TCF12: variants seen among roughly 807,000 people sequenced by gnomAD.
TCF12 encodes the protein DNA-binding protein HTF4.
Under a neutral mutation model 86.0 loss-of-function variants are expected in TCF12, and 45 were observed. The observed-to-expected ratio is 0.52, with a 90% CI of 0.41 to 0.67. The LOEUF (loss-of-function observed/expected upper bound fraction) is 0.67, where lower values mean the gene tolerates loss of function less well. TCF12 is among the 30% of genes least tolerant of loss of function. TCF12 has a pLI of 0.00. For missense variants in TCF12, 881 were observed against 859.9 expected, an observed-to-expected ratio of 1.02 and a Z score of -0.31; for synonymous variants, 330 against 299.6, an observed-to-expected ratio of 1.10 and a Z score of -1.05.
chr15:57,007,052 G>C (rs1311263833), intron 3 of TCF12, among the ~76,000 whole-genome samples: 1 of 152,192 alleles, frequency 6.6e-6, no homozygotes, highest in Non-Finnish European at 1.5e-5. Flanking sequence ...TGTGTCATTT[G>C]TAAGGTTAAT....
rs1316352735 is a variant in TCF12, at chr15:57,251,339, G to A, written c.1115-11G>A. 3 of 1,613,502 alleles carry A rather than the reference G, an allele frequency of 1.9e-6. No homozygotes were observed. The highest frequency in any genetic ancestry group is 2.5e-6 in the Non-Finnish European group (3 of 1,179,716). The stretch of plus-strand genomic sequence containing the variant: ...TAACCCAGGTGTGTGGCTACTTTTG[G>A]GTTTTAACAGGTACCAGTCAGTGGC... On this transcript the variant is annotated splice_polypyrimidine_tract_variant and intron_variant, in intron 13 of 20. Coordinates refer to ENST00000333725, the MANE Select transcript of TCF12 (RefSeq NM_207037.2).
intron 3 of TCF12, among the ~76,000 whole-genome samples, chr15:56,925,453 C>A (rs1189894565): frequency 6.6e-6 from 1 of 152,040 alleles, no homozygotes; most frequent in African/African-American, 2.4e-5. Context: ...TTTAAACAAG[C>A]CTTTTGAAAT....
intron 3 of TCF12, among the ~76,000 whole-genome samples, chr15:56,984,239 G>A (rs564824161): frequency 1.2e-3 from 163 of 135,546 alleles, no homozygotes; most frequent in Non-Finnish European, 2.0e-3. Flanking sequence ...TTTAGGAAAA[G>A]CATGTGCATG....
At chr15:56,950,425 C>T (rs1383301174) in intron 3 of TCF12, among the ~76,000 whole-genome samples, 1 of 152,110 alleles carries the variant, frequency 6.6e-6, no homozygotes, top group Non-Finnish European at 1.5e-5. Context: ...GAGGTTTCAC[C>T]ATGTTGGCCA....
At chr15:57,280,109 C>G (rs2061617011) in intron 19 of TCF12, among the ~76,000 whole-genome samples, 2 of 151,990 alleles carry the variant, frequency 1.3e-5, no homozygotes, top group South Asian at 4.2e-4. Context: ...AGGCTAGTCT[C>G]AAACTCTTGA....
intron 3 of TCF12, among the ~76,000 whole-genome samples, chr15:56,929,050 A>G (rs757100262): frequency 6.6e-6 from 1 of 152,232 alleles, no homozygotes; most frequent in African/African-American, 2.4e-5. Context: ...TGCTACCACA[A>G]ACATATCTGT....
At chr15:57,031,733 C>T (rs2066201602) in intron 3 of TCF12, among the ~76,000 whole-genome samples, 1 of 152,186 alleles carries the variant, frequency 6.6e-6, no homozygotes, top group Non-Finnish European at 1.5e-5. Context: ...TGCAGAAAAA[C>T]AGCCAGATCC....
intron 12 of TCF12, among the ~76,000 whole-genome samples, chr15:57,242,787 T>C (rs1362201898): frequency 6.6e-6 from 1 of 152,220 alleles, no homozygotes; most frequent in Non-Finnish European, 1.5e-5. Flanking sequence ...AATACCTAAA[T>C]TTATGCATCC....
intron 1 of TCF12, chr15:56,919,589 C>CGGAGCAGGGGGCGCCGA (rs2059677434): frequency 9.9e-6 from 2 of 202,900 alleles, no homozygotes; most frequent in East Asian, 8.6e-5. Flanking sequence ...GGCGGCGGCG[C>CGGAGCAGGGGGCGCCGA]GGAGCAGGGG....
chr15:56,961,366 A>G (rs1456433929), intron 3 of TCF12, among the ~76,000 whole-genome samples: 1 of 152,208 alleles, frequency 6.6e-6, no homozygotes, highest in Non-Finnish European at 1.5e-5. Flanking sequence ...TAATGAGCAA[A>G]TGGATTAACA....
At chr15:57,012,267 T>C (rs917986688) in intron 3 of TCF12, among the ~76,000 whole-genome samples, 4 of 152,124 alleles carry the variant, frequency 2.6e-5, no homozygotes, top group African/African-American at 9.7e-5. Context: ...AAGAAAGAAG[T>C]GTTGTCCTAG....
chr15:57,149,401 G>A (rs1194356131), intron 5 of TCF12, among the ~76,000 whole-genome samples: 1 of 152,238 alleles, frequency 6.6e-6, no homozygotes, highest in Admixed American at 6.5e-5. Context: ...TAACTGAAAT[G>A]ATGAGAAAGA....
intron 5 of TCF12, among the ~76,000 whole-genome samples, chr15:57,130,140 A>C (rs1315416081): frequency 6.6e-6 from 1 of 152,228 alleles, no homozygotes; most frequent in African/African-American, 2.4e-5. Context: ...TTTTCCTTAC[A>C]CTTTGACCTC....
intron 19 of TCF12, among the ~76,000 whole-genome samples, chr15:57,279,949 A>C (rs890882373): frequency 6.7e-5 from 9 of 134,430 alleles, no homozygotes; most frequent in Non-Finnish European, 1.2e-4. Context: ...GCTGGAGTGC[A>C]GTGGCGCGAT....
At chr15:57,160,851 A>T (rs1400263155) in intron 5 of TCF12, among the ~76,000 whole-genome samples, 1 of 149,212 alleles carries the variant, frequency 6.7e-6, no homozygotes, top group East Asian at 2.0e-4. Flanking sequence ...TGCCCAGCTA[A>T]GTTTTTTTTT....
chr15:57,102,777 G>A (rs2049850131), intron 5 of TCF12, among the ~76,000 whole-genome samples: 1 of 152,050 alleles, frequency 6.6e-6, no homozygotes, highest in Admixed American at 6.6e-5. Context: ...TAGGTGAGTT[G>A]TTTTTCTGTT....
At chr15:57,239,146 G>A (rs1201473331) in intron 12 of TCF12, among the ~76,000 whole-genome samples, 1 of 151,900 alleles carries the variant, frequency 6.6e-6, no homozygotes, top group Non-Finnish European at 1.5e-5. Context: ...TGGGTCGGGA[G>A]TTCGAGACCA....
At chr15:56,960,380 T>C (rs1488899157) in intron 3 of TCF12, among the ~76,000 whole-genome samples, 2 of 152,150 alleles carry the variant, frequency 1.3e-5, no homozygotes, top group Non-Finnish European at 2.9e-5. Flanking sequence ...TTCAGGTATT[T>C]TGATGTTATG....
chr15:57,223,458 G>A (rs2058696779), intron 8 of TCF12, among the ~76,000 whole-genome samples: 1 of 152,002 alleles, frequency 6.6e-6, no homozygotes, highest in Non-Finnish European at 1.5e-5. Flanking sequence ...TTTTGCATGT[G>A]TGGTCAGAGT....
Sources: allele counts gnomAD v4.1 joint callset (sites outside exome capture counted in the v4.1 genomes callset), GRCh38; gene constraint gnomAD v4.1.1; transcripts MANE v1.5; gene names NCBI Gene and HGNC (gene_info 2026-07-23, HGNC 2026-07-21).